Variants in KCNH6 observed in about 807,000 individuals in gnomAD.
KCNH6 encodes the protein voltage-gated inwardly rectifying potassium channel KCNH6.
Under a neutral mutation model 83.4 loss-of-function variants are expected in KCNH6, and 81 were observed. The ratio of observed to expected loss-of-function variants is 0.97; its 90% CI spans 0.81 to 1.17. The LOEUF (loss-of-function observed/expected upper bound fraction) is 1.17, where lower values mean the gene tolerates loss of function less well. Among genes scored for constraint, KCNH6 ranks in the 50% most tolerant of loss-of-function variants. The pLI, the probability that KCNH6 is intolerant of heterozygous loss-of-function variation, is 0.00. For synonymous variants in KCNH6, 503 were observed against 545.6 expected, an observed-to-expected ratio of 0.92 and a Z score of 1.09; for missense variants, 1,203 against 1,290.5, an observed-to-expected ratio of 0.93 and a Z score of 1.04.
At chr17:63,528,935 A>G (rs2031901254) in intron 2 of KCNH6, among the ~76,000 whole-genome samples, 1 of 152,140 alleles carries the variant, frequency 6.6e-6, no homozygotes, top group Admixed American at 6.5e-5. Flanking sequence ...CCTGGGTTCA[A>G]GCGATTCTCC....
chr17:63,544,357 G>C lies in KCNH6; in HGVS notation c.2342G>C (p.Cys781Ser), dbSNP rs757794487. The change falls in exon 11 of 13, where the codon TGC (cysteine) becomes TCC (serine). Residue 781 changes from cysteine (C) to serine (S), a missense_variant. Physicochemically the swap from Cys to Ser is moderately radical, Grantham distance 112 (BLOSUM62 -1). Coordinates refer to ENST00000314672, the MANE Select transcript of KCNH6 (RefSeq NM_001278919.2). ...SPQSPQEDPD[C>S]WPLKLGSRLE... is the part of the protein sequence containing the mutation. Reference sequence around the variant, plus strand: ...CAAAGCCCTCAGGAAGACCCAGATTGCTGGCCTCTGAAGCTGGGCTCCAGG... The same window carrying C: ...CAAAGCCCTCAGGAAGACCCAGATTCCTGGCCTCTGAAGCTGGGCTCCAGG... The C allele has an allele frequency of 3.1e-6, 5 of 1,610,922 alleles. No homozygotes were observed. The highest frequency in any genetic ancestry group is 1.7e-4 in the Middle Eastern group (1 of 6,036).
Position 63,546,159 on chromosome 17 carries a change from G to A in KCNH6, c.*257G>A, listed in dbSNP as rs375670494. ...GGAGGCTGAGGCAGGAGAATGGCATGAACCCGGGAGGTGGAGGTTGCAGGG... is the reference window on the plus strand; with the variant it reads ...GGAGGCTGAGGCAGGAGAATGGCATAAACCCGGGAGGTGGAGGTTGCAGGG... On this transcript the variant is annotated 3_prime_UTR_variant, in exon 13 of 13. Coordinates refer to ENST00000314672, the MANE Select transcript of KCNH6 (RefSeq NM_001278919.2). 1.1e-5 allele frequency: 4 copies of A among 370,752 alleles called. No homozygotes were observed. The highest frequency in any genetic ancestry group is 6.2e-5 in the African/African-American group (3 of 48,712). The allele number at this position is 370,752 out of a possible 1,614,324, so 23.0% of individuals were successfully genotyped here.
chr17:63,538,193 C>T lies in KCNH6; in HGVS notation c.1630C>T (p.Pro544Ser). Residue 544 changes from proline to serine, a missense_variant, in exon 7 of 13, where the codon CCA (proline) becomes TCA (serine). By Grantham distance (74) the Pro-to-Ser change is moderately conservative. Coordinates refer to ENST00000314672, the MANE Select transcript of KCNH6 (RefSeq NM_001278919.2). This position sits in a 1 kb window ranked among gnomAD's most constrained non-coding sequence, Gnocchi z 4.0. The stretch of plus-strand genomic sequence containing the variant: ...CATCCGCTTCCACCAGATCCCCAAC[C>T]CACTGCGCCAGCGCCTGGAGGAGTA... ...EFIRFHQIPN[P>S]LRQRLEEYFQ... The T allele has an allele frequency of 6.2e-7, 1 of 1,614,180 alleles. No homozygotes were observed. The highest frequency in any genetic ancestry group is 8.5e-7 in the Non-Finnish European group (1 of 1,179,992).
In KCNH6 at chr17:63,524,236, G is replaced by A. The variant is rs41280092; in HGVS notation, c.174G>A (p.Glu58=). Residue 58 remains glutamate (E), a synonymous_variant, in exon 2 of 13, where the codon GAG becomes GAA. Transcript: ENST00000314672. ...FCELFGYSRV[E]VMQQPCTCDF... The stretch of plus-strand genomic sequence containing the variant: ...AACTCTTCGGCTACTCCCGAGTGGA[G>A]GTGATGCAGCAACCCTGCACCTGCG... The A allele has an allele frequency of 0.019, 30,978 of 1,614,106 alleles. 372 individuals are homozygous for A. The highest frequency in any genetic ancestry group is 0.023 in the Non-Finnish European group (26,982 of 1,180,010).
intron 2 of KCNH6, among the ~76,000 whole-genome samples, chr17:63,525,516 C>T (rs940318636): frequency 1.3e-5 from 2 of 152,110 alleles, no homozygotes; most frequent in African/African-American, 2.4e-5. Flanking sequence ...GGATCGGGAC[C>T]GAGGAGTGCT....
intron 10 of KCNH6, 76 bp from the exon 11 acceptor site, chr17:63,544,173 G>C: frequency 6.2e-7 from 1 of 1,602,764 alleles, no homozygotes. Context: ...AGGGGGTGGG[G>C]GACAGGCTCT....
At chr17:63,547,844 T>G (rs1290739604), downstream of KCNH6, among the ~76,000 whole-genome samples, 1 of 151,918 alleles carries the variant, frequency 6.6e-6, no homozygotes, top group African/African-American at 2.4e-5. Context: ...TCCCAGGTAC[T>G]ACAGGGCTTG....
intron 2 of KCNH6, among the ~76,000 whole-genome samples, chr17:63,527,476 A>G (rs1054019512): frequency 3.3e-5 from 5 of 152,176 alleles, no homozygotes; most frequent in Admixed American, 1.3e-4. Context: ...AAGAGGAGAG[A>G]GAATTGGGGT....
chr17:63,545,987 C>A lies in KCNH6; in HGVS notation c.*85C>A. ...TTGGGGAGGTGGCCGGGTGCAGTGG[C>A]TCGCCTGTAATCCCAGCACTTTGGG... On this transcript the variant is annotated 3_prime_UTR_variant, in exon 13 of 13. Transcript: ENST00000314672. 1 of 1,333,692 alleles carries A rather than the reference C, an allele frequency of 7.5e-7. No individual in the cohort carries two copies. Among genetic ancestry groups the A allele is most frequent in the Non-Finnish European group, 1.0e-6 (1 of 959,334 alleles). 82.6% of individuals were successfully genotyped at this position (1,333,692 alleles called of 1,614,324 possible). A position where few individuals can be genotyped will look rare whatever the true frequency, so the allele number is the denominator to read the frequency against.
At chr17:63,541,520 C>T (rs1267210204) in intron 8 of KCNH6, among the ~76,000 whole-genome samples, 1 of 148,572 alleles carries the variant, frequency 6.7e-6, no homozygotes, top group African/African-American at 2.6e-5. Flanking sequence ...GGTCTCGAAC[C>T]GACCTCAAAT....
chr17:63,544,473 C>T, intron 11 of KCNH6, 62 bp downstream of exon 11: 1 of 1,396,720 alleles, frequency 7.2e-7, no homozygotes, highest in Non-Finnish European at 9.4e-7. Flanking sequence ...GTGGCTCAGA[C>T]ACATCACAGG....
Position 63,534,275 on chromosome 17 carries a change from T to A in KCNH6, c.1065T>A (p.Pro355=). The change falls in exon 5 of 13, where the codon CCT becomes CCA. Residue 355 remains proline, a synonymous_variant. Transcript: ENST00000314672. This position sits in a 1 kb window ranked among gnomAD's most constrained non-coding sequence, Gnocchi z 5.0. The part of the protein sequence containing the change: ...WFLIDMVAAI[P]FDLLIFRTGS... The stretch of plus-strand genomic sequence containing the variant: ...TCATTGACATGGTGGCCGCCATCCC[T>A]TTCGACCTCCTGATCTTCCGCACTG... 1 of 1,613,964 alleles carries A rather than the reference T, an allele frequency of 6.2e-7. No individual in the cohort carries two copies. The highest frequency in any genetic ancestry group is 8.5e-7 in the Non-Finnish European group (1 of 1,179,910).
In KCNH6 at chr17:63,535,063, A is replaced by C. The variant is rs2032392344; in HGVS notation, c.1102-606A>C. Among the ~76,000 whole-genome samples the C allele has an allele frequency of 6.6e-6, 1 of 151,884 alleles. No homozygotes were observed. The highest frequency in any genetic ancestry group is 1.5e-5 in the Non-Finnish European group (1 of 67,964). Reference sequence around the variant, plus strand: ...CAGCGACTTTCAGATCGCCTACCTGACCCTGTGTTCCACCCTCTGGGGTGT... The same window carrying C: ...CAGCGACTTTCAGATCGCCTACCTGCCCCTGTGTTCCACCCTCTGGGGTGT... On this transcript the variant is annotated intron_variant, in intron 5 of 12. Coordinates refer to ENST00000314672, the MANE Select transcript of KCNH6 (RefSeq NM_001278919.2). The surrounding 1 kb of genome is among the most constrained non-coding windows in gnomAD (Gnocchi z 4.9).
At chr17:63,543,957 TG>T in intron 10 of KCNH6, 1 of 1,010,120 alleles carries the variant, frequency 9.9e-7, no homozygotes, top group Non-Finnish European at 1.4e-6. Context: ...GGGGGGCCAC[TG>T]GGCTGCAGCT....
Position 63,545,824 on chromosome 17 carries a change from C to G in KCNH6, c.2799C>G (p.His933Gln), listed in dbSNP as rs1322538056. The change falls in exon 13 of 13, where the codon CAC becomes CAG. Residue 933 changes from histidine (H) to glutamine (Q), a missense_variant. Physicochemically the swap from His to Gln is conservative, Grantham distance 24. Coordinates refer to ENST00000314672, the MANE Select transcript of KCNH6 (RefSeq NM_001278919.2). The stretch of plus-strand genomic sequence containing the variant: ...CCTGCTTCTCCTCCCTCCCTGAACA[C>G]CTTGGCTCTGTTCCCAAGCAGCTGG... ...CGPCFSSLPE[H>Q]LGSVPKQLDF... 6.2e-7 allele frequency: 1 copy of G among 1,614,154 alleles called. No individual in the cohort carries two copies. The highest frequency in any genetic ancestry group is 1.6e-4 in the Middle Eastern group (1 of 6,062).
Position 63,545,267 on chromosome 17 carries a change from A to C in KCNH6, c.2583+3A>C. The C allele has an allele frequency of 6.2e-7, 1 of 1,613,036 alleles. No homozygotes were observed. The highest frequency in any genetic ancestry group is 8.5e-7 in the Non-Finnish European group (1 of 1,179,870). On this transcript the variant is annotated splice_donor_region_variant and intron_variant, in intron 12 of 12. Transcript: ENST00000314672. ...AGGGCTTTCTGCCTCCTGCACAGGTAAGAGGTGAGGGGATTCCCAGGGGCT... is the reference window on the plus strand; with the variant it reads ...AGGGCTTTCTGCCTCCTGCACAGGTCAGAGGTGAGGGGATTCCCAGGGGCT...
Position 63,538,648 on chromosome 17 carries a change from T to A in KCNH6, c.1940T>A (p.Val647Asp). Residue 647 changes from valine (V) to aspartate (D), a missense_variant, in exon 8 of 13, where the codon GTC (valine) becomes GAC (aspartate). Coordinates refer to ENST00000314672, the MANE Select transcript of KCNH6 (RefSeq NM_001278919.2). The surrounding 1 kb of genome is among the most constrained non-coding windows in gnomAD (Gnocchi z 4.0). ...ATCGAGATCCTGCGCGACGACGTGG[T>A]CGTGGCCATCCTAGGTGGGTCCGGC... is the stretch of plus-strand genomic sequence containing the variant. ...GSIEILRDDV[V>D]VAILGKNDIF... 6.3e-7 allele frequency: 1 copy of A among 1,593,788 alleles called. No individual in the cohort carries two copies. The highest frequency in any genetic ancestry group is 8.6e-7 in the Non-Finnish European group (1 of 1,167,556).
chr17:63,535,633 G>A lies in KCNH6; in HGVS notation c.1102-36G>A. 1 of 1,561,162 alleles carries A rather than the reference G, an allele frequency of 6.4e-7. No individual in the cohort carries two copies. Among genetic ancestry groups the A allele is most frequent in the Admixed American group, 1.8e-5 (1 of 55,848 alleles). ...GCCTGACTGCACCCTTCCAAGGGCT[G>A]ACCCCAGCCCTGTGACCATTTCCCT... is the stretch of plus-strand genomic sequence containing the variant. On this transcript the variant is annotated intron_variant, in intron 5 of 12. Coordinates refer to ENST00000314672, the MANE Select transcript of KCNH6 (RefSeq NM_001278919.2). The surrounding 1 kb of genome is among the most constrained non-coding windows in gnomAD (Gnocchi z 4.9).
At chr17:63,536,952 CAAAAA>C (rs60039258) in intron 6 of KCNH6, among the ~76,000 whole-genome samples, 10 of 56,508 alleles carry the variant, frequency 1.8e-4, no homozygotes, top group African/African-American at 6.3e-4. Flanking sequence ...GACTCCGTCT[CAAAAA>C]AAAAAAAAAA....
Sources: gnomAD v4.1 joint callset for allele counts (sites outside exome capture counted in the v4.1 genomes callset) on GRCh38, gnomAD v4.1.1 for gene constraint, Gnocchi (gnomAD v3.1) non-coding constraint, MANE v1.5 for transcripts, NCBI Gene and HGNC (gene_info 2026-07-23, HGNC 2026-07-21) for gene names.